CTNND2: variants seen among roughly 807,000 people sequenced by gnomAD.
CTNND2 encodes the protein catenin delta 2.
A neutral mutation model predicts 144.4 loss-of-function variants in CTNND2; 22 were observed. That is an observed-to-expected ratio of 0.15 (90% CI 0.11 to 0.22). The LOEUF is 0.22. CTNND2 is among the 10% of genes least tolerant of loss of function. The pLI is 1.00. For missense variants in CTNND2, 1,353 were observed against 1,618.8 expected (o/e 0.84, Z 2.82); for synonymous variants, 751 against 695.6 (o/e 1.08, Z -1.25).
chr5:11,412,125 C>A, intron 3 of CTNND2, 56 bp from the exon 4 acceptor site: 5 of 1,416,610 alleles, frequency 3.5e-6, no homozygotes, highest in South Asian at 2.3e-5. Flanking sequence ...AAAAATAAAA[C>A]CCTAAAATCT....
intron 1 of CTNND2, among the ~76,000 whole-genome samples, chr5:11,770,355 C>T (rs1264244120): frequency 6.8e-6 from 1 of 147,538 alleles, no homozygotes; most frequent in Non-Finnish European, 1.5e-5. Flanking sequence ...ATATAAGGAT[C>T]CTGAAATACT....
intron 3 of CTNND2, among the ~76,000 whole-genome samples, chr5:11,555,267 G>C (rs938974887): frequency 1.3e-5 from 2 of 152,308 alleles, no homozygotes; most frequent in East Asian, 1.9e-4. Context: ...AGTTCTAGCA[G>C]TTGACAAGGC....
intron 9 of CTNND2, among the ~76,000 whole-genome samples, chr5:11,337,360 T>C (rs1753831770): frequency 1.3e-5 from 2 of 152,190 alleles, no homozygotes; most frequent in Admixed American, 6.5e-5. Flanking sequence ...TCTCCTTTTG[T>C]GCTCTTAAAC....
intron 2 of CTNND2, among the ~76,000 whole-genome samples, chr5:11,682,360 T>G (rs1343871738): frequency 6.6e-6 from 1 of 152,136 alleles, no homozygotes; most frequent in Non-Finnish European, 1.5e-5. Context: ...CAGCTTAACA[T>G]CCAATATTCC....
chr5:11,304,648 G>A (rs1443125584), intron 9 of CTNND2, among the ~76,000 whole-genome samples: 1 of 152,138 alleles, frequency 6.6e-6, no homozygotes, highest in Non-Finnish European at 1.5e-5. Context: ...AAGGGGCCAG[G>A]GGTTTCCACT....
chr5:11,474,482 A>T (rs183296353), intron 3 of CTNND2, among the ~76,000 whole-genome samples: 1 of 152,204 alleles, frequency 6.6e-6, no homozygotes, highest in Non-Finnish European at 1.5e-5. Flanking sequence ...CTAATTGGAG[A>T]AGAGAGAAGT....
chr5:11,313,034 C>T (rs529172590), intron 9 of CTNND2, among the ~76,000 whole-genome samples: 2 of 152,300 alleles, frequency 1.3e-5, no homozygotes, highest in Admixed American at 1.3e-4. Context: ...AACATTACTC[C>T]TCTTTGGTGC....
rs183606270 is a variant in CTNND2 at position 11,335,571 on chromosome 5, C to G, written c.1628+10801G>C. 1.2e-3 allele frequency among the ~76,000 whole-genome samples: 187 copies of G among 152,262 alleles called. 1 individual carries two copies. Among genetic ancestry groups the G allele is most frequent in the Admixed American group, 0.011 (162 of 15,288 alleles). ...ATTGAGATATGCTAAAAATAAAACA[C>G]GTTTCCCATAGTAGTACACATTGAA... On this transcript the variant is annotated intron_variant, in intron 9 of 21. Coordinates refer to ENST00000304623, the MANE Select transcript of CTNND2 (RefSeq NM_001332.4).
intron 7 of CTNND2, among the ~76,000 whole-genome samples, chr5:11,373,601 G>A (rs533887857): frequency 6.6e-6 from 1 of 152,264 alleles, no homozygotes; most frequent in South Asian, 2.1e-4. Flanking sequence ...TCCAGACCAG[G>A]ACCTCAGGGG....
chr5:11,439,443 G>T (rs1460478835), intron 3 of CTNND2, among the ~76,000 whole-genome samples: 2 of 152,100 alleles, frequency 1.3e-5, no homozygotes, highest in Non-Finnish European at 2.9e-5. Flanking sequence ...CACTCCTTTA[G>T]TTTTCTGTTA....
chr5:11,110,717 C>G (rs1230213483), intron 14 of CTNND2, 141 bp downstream of exon 14: 4 of 770,230 alleles, frequency 5.2e-6, no homozygotes, highest in Non-Finnish European at 8.1e-6. Flanking sequence ...CTGTGAAATT[C>G]CCACAGGAAA....
intron 12 of CTNND2, among the ~76,000 whole-genome samples, chr5:11,154,064 T>C (rs1440812962): frequency 1.3e-5 from 2 of 152,162 alleles, no homozygotes; most frequent in Admixed American, 1.3e-4. Flanking sequence ...ATATTTTAAA[T>C]GGGAAATGCA....
At chr5:11,872,105 C>T (rs1735183409) in intron 1 of CTNND2, among the ~76,000 whole-genome samples, 2 of 150,960 alleles carry the variant, frequency 1.3e-5, no homozygotes, top group African/African-American at 2.4e-5. Context: ...CATGGTTCAA[C>T]TCCCACTTAT....
intron 16 of CTNND2, among the ~76,000 whole-genome samples, chr5:11,033,826 T>TCAA (rs888683741): frequency 3.5e-5 from 5 of 143,638 alleles, no homozygotes; most frequent in African/African-American, 1.2e-4. Context: ...TACGACTGTC[T>TCAA]CAACAACAAC....
chr5:11,903,822 G>C lies in CTNND2; in HGVS notation c.32C>G (p.Pro11Arg). ...CGCCCAGCCCCGCAACTCACCCAAA[G>C]GCGCGGCGCCCGGCGGCTTCCTCGC... MFARKPPGAA[P>R]LGAMPVPDQP... The change falls in exon 1 of 22, where the codon CCT becomes CGT. Residue 11 changes from proline (P) to arginine (R), a missense_variant. Physicochemically the swap from Pro to Arg is moderately radical, Grantham distance 103. Transcript: ENST00000304623. This position sits in a 1 kb window ranked among gnomAD's most constrained non-coding sequence, Gnocchi z 5.4. 6.7e-7 allele frequency: 1 copy of C among 1,482,472 alleles called. No homozygotes were observed. The highest frequency in any genetic ancestry group is 8.9e-7 in the Non-Finnish European group (1 of 1,122,942). 91.8% of individuals were successfully genotyped at this position (1,482,472 alleles called of 1,614,324 possible).
At chr5:11,553,958 T>C (rs1456408668) in intron 3 of CTNND2, among the ~76,000 whole-genome samples, 1 of 152,122 alleles carries the variant, frequency 6.6e-6, no homozygotes, top group Non-Finnish European at 1.5e-5. Context: ...AGCATTAAGA[T>C]ACAGTAATTG....
chr5:11,540,611 G>C (rs1248961110), intron 3 of CTNND2, among the ~76,000 whole-genome samples: 6 of 152,142 alleles, frequency 3.9e-5, no homozygotes, highest in Non-Finnish European at 4.4e-5. Context: ...CTGCCTCCTG[G>C]GTTCAAGCCG....
intron 15 of CTNND2, among the ~76,000 whole-genome samples, chr5:11,084,656 G>A (rs1749947671): frequency 6.6e-6 from 1 of 152,110 alleles, no homozygotes; most frequent in African/African-American, 2.4e-5. Flanking sequence ...CAGCCTGGTG[G>A]GGAAGAGATG....
At chr5:11,171,324 C>G (rs1759883458) in intron 11 of CTNND2, among the ~76,000 whole-genome samples, 1 of 152,132 alleles carries the variant, frequency 6.6e-6, no homozygotes, top group African/African-American at 2.4e-5. Flanking sequence ...AACACAGGCT[C>G]TCACACTTCC....
Sources: allele counts gnomAD v4.1 joint callset (sites outside exome capture counted in the v4.1 genomes callset), GRCh38; gene constraint gnomAD v4.1.1; non-coding constraint Gnocchi (gnomAD v3.1); transcripts MANE v1.5; gene names NCBI Gene and HGNC (gene_info 2026-07-23, HGNC 2026-07-21).